PUDP: variants seen among roughly 807,000 people sequenced by gnomAD.
PUDP encodes pseudouridine-5'-phosphatase.
PUDP carries 8 observed loss-of-function variants against 9.4 expected under a neutral mutation model. That is an observed-to-expected ratio of 0.85 (90% confidence interval 0.50 to 1.53). The LOEUF is 1.53. Ranked by LOEUF, PUDP falls within the 40% of genes most tolerant of loss-of-function variation. The pLI, the probability that PUDP is intolerant of heterozygous loss-of-function variation, is 0.00. For synonymous variants in PUDP, 99 were observed against 80.7 expected (o/e 1.23, Z -1.22); for missense variants, 188 against 189.7 (o/e 0.99, Z 0.05).
intron 1 of PUDP, among the ~76,000 whole-genome samples, chrX:6,991,189 A>G (rs1275203277): frequency 9.0e-6 from 1 of 111,587 alleles, no homozygotes; most frequent in African/African-American, 3.3e-5. Context: ...CATTTTTACC[A>G]TTACTCTCCA....
In PUDP at chrX:6,973,560, G is replaced by C. The variant is rs187070051; in HGVS notation, c.*247+3573C>G. On this transcript the variant is annotated intron_variant and NMD_transcript_variant, in intron 3 of 3. Coordinates refer to the PUDP transcript ENST00000655425. Reference sequence around the variant, plus strand: ...TCCTGAGTTGTAATTTGATTGCACTGTGGTCTGAGAGACTGTTTGTTATGA... The same window carrying C: ...TCCTGAGTTGTAATTTGATTGCACTCTGGTCTGAGAGACTGTTTGTTATGA... Among the ~76,000 whole-genome samples the C allele has an allele frequency of 6.2e-5, 7 of 112,197 alleles. No homozygotes were observed. The Admixed American group carries it at 6.6e-4, about 11-fold the overall frequency.
intron 3 of PUDP, among the ~76,000 whole-genome samples, chrX:6,955,280 G>A (rs1489026666): frequency 1.8e-5 from 2 of 109,299 alleles, no homozygotes; most frequent in East Asian, 5.7e-4. Flanking sequence ...GAGTGCAGTG[G>A]CATGATCGTT....
At chrX:6,903,650 C>A (rs1602666545) in intron 3 of PUDP, among the ~76,000 whole-genome samples, 1 of 111,270 alleles carries the variant, frequency 9.0e-6, no homozygotes, top group East Asian at 2.8e-4. Context: ...AACATGGATG[C>A]AGCAGAAGGC....
intron 3 of PUDP, among the ~76,000 whole-genome samples, chrX:6,857,674 T>A (rs571263352): frequency 9.0e-6 from 1 of 111,634 alleles, no homozygotes; most frequent in Non-Finnish European, 1.9e-5. Context: ...CCTCAAGCAG[T>A]CCTCCCACCT....
chrX:6,833,287 G>A (rs1409501107), intron 3 of PUDP, among the ~76,000 whole-genome samples: 2 of 111,583 alleles, frequency 1.8e-5, no homozygotes, highest in East Asian at 5.6e-4. Context: ...GGATGGATGG[G>A]ATGGATGGAT....
intron 3 of PUDP, among the ~76,000 whole-genome samples, chrX:6,895,347 T>C (rs1330752381): frequency 9.5e-6 from 1 of 105,516 alleles, no homozygotes; most frequent in Non-Finnish European, 1.9e-5. Flanking sequence ...TATATTACTA[T>C]AATATCTAAT....
intron 2 of PUDP, among the ~76,000 whole-genome samples, chrX:7,084,062 C>T (rs1043496022): frequency 2.3e-4 from 26 of 111,915 alleles, no homozygotes; most frequent in Admixed American, 9.5e-5. Context: ...TGTCACCCTC[C>T]GGCCTCCATC....
chrX:7,002,072 G>GTGTTTTTCATT (rs1207225274), intron 1 of PUDP, among the ~76,000 whole-genome samples: 10 of 111,488 alleles, frequency 9.0e-5, no homozygotes, highest in African/African-American at 3.3e-4. Flanking sequence ...CCATGGCTCA[G>GTGTTTTTCATT]TCTCTAGACT....
exon 1 of PUDP, chrX:6,721,420 T>C (rs1323234063): frequency 8.9e-6 from 1 of 112,015 alleles, no homozygotes; most frequent in African/African-American, 3.2e-5. Flanking sequence ...CTCTTACCTT[T>C]GCAATTGACT....
chrX:6,952,786 T>C (rs1928575387), intron 3 of PUDP, among the ~76,000 whole-genome samples: 1 of 111,640 alleles, frequency 9.0e-6, no homozygotes, highest in Admixed American at 9.5e-5. Flanking sequence ...GAAGGCACCA[T>C]TTATGAACCA....
At chrX:6,875,766 G>C (rs1271098795) in intron 3 of PUDP, among the ~76,000 whole-genome samples, 1 of 111,905 alleles carries the variant, frequency 8.9e-6, no homozygotes, top group Non-Finnish European at 1.9e-5. Flanking sequence ...GGGAGTCCAG[G>C]AAACGGCATT....
At chrX:7,122,506 T>C (rs1932371570) in intron 1 of PUDP, among the ~76,000 whole-genome samples, 2 of 111,822 alleles carry the variant, frequency 1.8e-5, no homozygotes, top group African/African-American at 3.3e-5. Context: ...CTGTAGATGC[T>C]GATCAAAGAA....
intron 3 of PUDP, among the ~76,000 whole-genome samples, chrX:6,956,130 A>C (rs1928623630): frequency 8.9e-6 from 1 of 111,955 alleles, no homozygotes; most frequent in Non-Finnish European, 1.9e-5. Flanking sequence ...GCTCACTGCA[A>C]CCTCCACCTC....
At chrX:6,706,665 C>G (rs1170023217) in intron 1 of PUDP, among the ~76,000 whole-genome samples, 2 of 111,453 alleles carry the variant, frequency 1.8e-5, no homozygotes, top group Admixed American at 1.9e-4. Context: ...CCAAAATATG[C>G]CACTGTGATG....
chrX:7,129,907 C>T (rs1248996059), intron 1 of PUDP, among the ~76,000 whole-genome samples: 1 of 111,540 alleles, frequency 9.0e-6, no homozygotes, highest in Non-Finnish European at 1.9e-5. Flanking sequence ...AGGGCAATGG[C>T]TGGGTATAAA....
At chrX:6,731,414 C>G (rs1226403846) in intron 3 of PUDP, among the ~76,000 whole-genome samples, 1 of 111,443 alleles carries the variant, frequency 9.0e-6, no homozygotes, top group East Asian at 2.8e-4. Context: ...TGAGTCTTAA[C>G]AAAATCTCAG....
chrX:6,932,641 C>G (rs941138823), intron 3 of PUDP, among the ~76,000 whole-genome samples: 2 of 111,334 alleles, frequency 1.8e-5, no homozygotes, highest in African/African-American at 6.5e-5. Flanking sequence ...GTGCGCGCAC[C>G]GTGCGCGAGC....
chrX:7,106,933 G>A (rs5978965), intron 1 of PUDP, among the ~76,000 whole-genome samples: 37,318 of 110,661 alleles, frequency 0.34, 4,804 homozygotes, highest in Middle Eastern at 0.47. Flanking sequence ...AGTGTTGCCT[G>A]ATGACAATCC....
rs191362109 is a variant in PUDP, at chrX:6,951,183, T to G, written c.*247+25950A>C. Among the ~76,000 whole-genome samples, 4 of 110,904 alleles carry G rather than the reference T, an allele frequency of 3.6e-5. No homozygotes were observed. The East Asian group carries it at 1.1e-3, about 31-fold the overall frequency. On this transcript the variant is annotated intron_variant and NMD_transcript_variant, in intron 3 of 3. Transcript: ENST00000655425. ...AAGTATCATGTATTTAAAATCTATC[T>G]CATTTATCTACATTTATCTACCTAT...
Sources: gnomAD v4.1 joint callset for allele counts (sites outside exome capture counted in the v4.1 genomes callset) on GRCh38, gnomAD v4.1.1 for gene constraint, MANE v1.5 for transcripts, NCBI Gene and HGNC (gene_info 2026-07-23, HGNC 2026-07-21) for gene names.